Variants in APOC3 observed in about 807,000 individuals in gnomAD.
The protein encoded by APOC3 is apolipoprotein C-III.
In APOC3, 6 loss-of-function variants were observed where a neutral mutation model predicts 7.3. The ratio of observed to expected loss-of-function variants is 0.82; its 90% CI spans 0.45 to 1.61. The LOEUF (loss-of-function observed/expected upper bound fraction) is 1.61. APOC3 is among the 40% of genes most tolerant of loss of function. The probability of loss-of-function intolerance (pLI) is 0.01; values close to 1 mark genes in which losing one functional copy is unlikely to be tolerated. For missense variants in APOC3, 123 were observed against 124.9 expected (o/e 0.98, Z 0.07); for synonymous variants, 45 against 51.2 (o/e 0.88, Z 0.52).
At position 116,830,850 on chromosome 11, in the gene APOC3, G is replaced by A; in HGVS notation, c.133G>A (p.Asp45Asn). ...YMKHATKTAK[D>N]ALSSVQESQV... is the part of the protein sequence containing the mutation. Reference sequence around the variant, plus strand: ...GAAGCACGCCACCAAGACCGCCAAGGATGCACTGAGCAGCGTGCAGGAGTC... The same window carrying A: ...GAAGCACGCCACCAAGACCGCCAAGAATGCACTGAGCAGCGTGCAGGAGTC... The change falls in exon 3 of 4, where the codon GAT becomes AAT. Residue 45 changes from aspartate (D) to asparagine (N), a missense_variant. By Grantham distance (23) the Asp-to-Asn change is conservative. Transcript: ENST00000227667. 1.9e-6 allele frequency: 3 copies of A among 1,613,140 alleles called. No individual in the cohort carries two copies. Among genetic ancestry groups the A allele is most frequent in the Non-Finnish European group, 2.5e-6 (3 of 1,179,974 alleles).
In APOC3 at chr11:116,831,350, T is replaced by C. The variant is rs187542976; in HGVS notation, c.179+454T>C. The stretch of plus-strand genomic sequence containing the variant: ...TTCCTTTTTCTTTCTTTCCCTCTCT[T>C]CCTTTCTCTCTTTCTTTCTTCTTCT... On this transcript the variant is annotated intron_variant, in intron 3 of 3. Coordinates refer to ENST00000227667, the MANE Select transcript of APOC3 (RefSeq NM_000040.3). Among the ~76,000 whole-genome samples, 241 of 150,228 alleles carry C rather than the reference T, an allele frequency of 1.6e-3. 1 individual carries two copies. Among genetic ancestry groups the C allele is most frequent in the South Asian group, 3.4e-3 (16 of 4,680 alleles).
intron 1 of APOC3, 140 bp downstream of exon 1, chr11:116,830,080 C>G (rs1014921292): frequency 3.4e-5 from 7 of 204,586 alleles, no homozygotes; most frequent in African/African-American, 1.2e-4. Flanking sequence ...GGGTGCCCCC[C>G]ACCCCTCATC....
In APOC3 at chr11:116,830,844, G is replaced by T. The variant is rs147210663; in HGVS notation, c.127G>T (p.Ala43Ser). The T allele has an allele frequency of 1.9e-6, 3 of 1,613,060 alleles. No individual in the cohort carries two copies. The highest frequency in any genetic ancestry group is 1.7e-5 in the Admixed American group (1 of 59,992). The change falls in exon 3 of 4, where the codon GCC becomes TCC. Residue 43 changes from alanine to serine, a missense_variant. Ala to Ser is a moderately conservative substitution (Grantham distance 99). Transcript: ENST00000227667. ...TTACATGAAGCACGCCACCAAGACC[G>T]CCAAGGATGCACTGAGCAGCGTGCA... is the stretch of plus-strand genomic sequence containing the variant. ...QGYMKHATKT[A>S]KDALSSVQES...
chr11:116,831,206 TTTCTTTCTTTC>T (rs1941447757), intron 3 of APOC3: 1 of 114,710 alleles, frequency 8.7e-6, no homozygotes, highest in Admixed American at 9.6e-5. Context: ...TCTTTCTTTC[TTTCTTTCTTTC>T]TTTCTTTCTT....
intron 3 of APOC3, among the ~76,000 whole-genome samples, chr11:116,831,283 CCT>C (rs1941455255): frequency 2.1e-5 from 1 of 46,540 alleles, no homozygotes; most frequent in Non-Finnish European, 4.5e-5. Flanking sequence ...TTCTTTCTTT[CCT>C]TTCTTTCTTT....
At position 116,832,800 on chromosome 11, in the gene APOC3, C is replaced by G; in HGVS notation, c.216C>G (p.Asp72Glu). The change falls in exon 4 of 4, where the codon GAC becomes GAG. Residue 72 changes from aspartate to glutamate, a missense_variant. Coordinates refer to ENST00000227667, the MANE Select transcript of APOC3 (RefSeq NM_000040.3). ...WVTDGFSSLKDYWSTVKDKFS... is the reference protein window; with the variant it reads ...WVTDGFSSLKEYWSTVKDKFS... ...CCGATGGCTTCAGTTCCCTGAAAGA[C>G]TACTGGAGCACCGTTAAGGACAAGT... The G allele has an allele frequency of 6.2e-7, 1 of 1,614,164 alleles. No individual in the cohort carries two copies. Among genetic ancestry groups the G allele is most frequent in the Non-Finnish European group, 8.5e-7 (1 of 1,180,026 alleles).
intron 3 of APOC3, chr11:116,831,132 CG>C: frequency 8.8e-6 from 5 of 567,692 alleles, no homozygotes; most frequent in Admixed American, 3.1e-5. Flanking sequence ...AGTCCTAGGG[CG>C]TGCCGTTTTA....
chr11:116,830,238 C>T (rs1941430987), intron 1 of APOC3, among the ~76,000 whole-genome samples: 1 of 152,128 alleles, frequency 6.6e-6, no homozygotes, highest in South Asian at 2.1e-4. Flanking sequence ...CAGTCCTACC[C>T]CAGACAGGGA....
chr11:116,830,364 G>C (rs960719985), intron 1 of APOC3: 2 of 622,090 alleles, frequency 3.2e-6, no homozygotes, highest in Non-Finnish European at 5.7e-6. Context: ...TGGGTTTTCT[G>C]CTCCATCCCA....
intron 3 of APOC3, among the ~76,000 whole-genome samples, chr11:116,831,450 C>T (rs899876436): frequency 4.0e-5 from 6 of 151,260 alleles, no homozygotes; most frequent in South Asian, 4.2e-4. Context: ...CTGCAACCTC[C>T]GTCTCCCGGG....
At chr11:116,831,733 T>C (rs1446557964) in intron 3 of APOC3, among the ~76,000 whole-genome samples, 3 of 152,206 alleles carry the variant, frequency 2.0e-5, no homozygotes, top group Non-Finnish European at 4.4e-5. Flanking sequence ...GGGACCAGTT[T>C]TGTGGTGGAC....
intron 3 of APOC3, among the ~76,000 whole-genome samples, chr11:116,832,419 G>A (rs1685978335): frequency 6.6e-6 from 1 of 152,218 alleles, no homozygotes; most frequent in South Asian, 2.1e-4. Context: ...ACCAGGTTGT[G>A]CAACTCCAGG....
rs779597455 is a variant in APOC3, at chr11:116,830,593, G to A, written c.11G>A (p.Arg4Gln). 7.4e-6 allele frequency: 12 copies of A among 1,613,852 alleles called. No homozygotes were observed. Among genetic ancestry groups the A allele is most frequent in the Middle Eastern group, 3.3e-4 (2 of 6,084 alleles). Residue 4 changes from arginine (R) to glutamine (Q), a missense_variant, in exon 2 of 4, where the codon CGG becomes CAG. Physicochemically the swap from Arg to Gln is conservative, Grantham distance 43. Transcript: ENST00000227667. ...AGGAACAGAGGTGCCATGCAGCCCCGGGTACTCCTTGTTGTTGCCCTCCTG... is the reference window on the plus strand; with the variant it reads ...AGGAACAGAGGTGCCATGCAGCCCCAGGTACTCCTTGTTGTTGCCCTCCTG... MQP[R>Q]VLLVVALLAL... is the part of the protein sequence containing the mutation.
chr11:116,830,600 CCTT>C lies in APOC3; in HGVS notation c.19_21del (p.Leu7del), dbSNP rs763650454. On this transcript the variant is annotated inframe_deletion, in exon 2 of 4. Transcript: ENST00000227667. Reference sequence around the variant, plus strand: ...GAGGTGCCATGCAGCCCCGGGTACTCCTTGTTGTTGCCCTCCTGGCGCTCCTGG... The same window carrying C: ...GAGGTGCCATGCAGCCCCGGGTACTCGTTGTTGCCCTCCTGGCGCTCCTGG... 2.5e-6 allele frequency: 4 copies of C among 1,613,946 alleles called. No individual in the cohort carries two copies. The South Asian group carries it at 4.4e-5, about 18-fold the overall frequency.
At position 116,832,930 on chromosome 11, in the gene APOC3, C is replaced by A. The variant is rs769165532; in HGVS notation, c.*46C>A. ...ACCTGCCTATCCATCCTGCGAGCTC[C>A]TTGGGTCCTGCAATCTCCAGGGCTG... On this transcript the variant is annotated 3_prime_UTR_variant, in exon 4 of 4. Coordinates refer to ENST00000227667, the MANE Select transcript of APOC3 (RefSeq NM_000040.3). The A allele has an allele frequency of 1.2e-6, 2 of 1,612,774 alleles. No homozygotes were observed. The highest frequency in any genetic ancestry group is 2.2e-5 in the East Asian group (1 of 44,876).
intron 1 of APOC3, 37 bp from the exon 2 acceptor site, chr11:116,830,533 G>A (rs199660886): frequency 3.3e-5 from 53 of 1,611,276 alleles, no homozygotes; most frequent in Non-Finnish European, 4.3e-5. Context: ...AGAGGCATGG[G>A]GACCTGGGGT....
At chr11:116,830,399 C>G in intron 1 of APOC3, 171 bp from the exon 2 acceptor site, 1 of 695,600 alleles carries the variant, frequency 1.4e-6, no homozygotes, top group Non-Finnish European at 2.5e-6. Flanking sequence ...GGCCTCGATC[C>G]CTCGCCCCTC....
rs112695578 is a variant in APOC3 at position 116,831,572 on chromosome 11, C to A, written c.179+676C>A. Among the ~76,000 whole-genome samples, 276 of 152,012 alleles carry A rather than the reference C, an allele frequency of 1.8e-3. 1 individual carries two copies. Among genetic ancestry groups the A allele is most frequent in the African/African-American group, 6.2e-3 (255 of 41,444 alleles). ...CAGAGATGGGGTTTCACCATGTTGG[C>A]CAGGTTGGTCTTGAATTCCTGACCT... On this transcript the variant is annotated intron_variant, in intron 3 of 3. Coordinates refer to ENST00000227667, the MANE Select transcript of APOC3 (RefSeq NM_000040.3).
intron 3 of APOC3, among the ~76,000 whole-genome samples, chr11:116,832,194 C>A (rs1443989011): frequency 2.0e-5 from 3 of 152,236 alleles, no homozygotes; most frequent in Non-Finnish European, 4.4e-5. Flanking sequence ...CTCCACCTCA[C>A]CCTGACTGGC....
Sources: gnomAD v4.1 joint callset for allele counts (sites outside exome capture counted in the v4.1 genomes callset) on GRCh38, gnomAD v4.1.1 for gene constraint, MANE v1.5 for transcripts, NCBI Gene and HGNC (gene_info 2026-07-23, HGNC 2026-07-21) for gene names.